The following DGKZ variants were observed in gnomAD, a reference collection of about 807,000 sequenced individuals.
The protein encoded by DGKZ is DAG kinase zeta.
In DGKZ, 45 loss-of-function variants were observed where a neutral mutation model predicts 142.5. That is an observed-to-expected ratio of 0.32 (90% confidence interval 0.25 to 0.40). The LOEUF (loss-of-function observed/expected upper bound fraction) is 0.40. Among genes scored for constraint, DGKZ ranks in the 10% least tolerant of loss-of-function variants. The probability of loss-of-function intolerance (pLI) is 1.00; values close to 1 mark genes in which losing one functional copy is unlikely to be tolerated. For missense variants in DGKZ, 755 were observed against 1,306.5 expected (o/e 0.58, Z 6.51); for synonymous variants, 442 against 527.0 (o/e 0.84, Z 2.21).
chr11:46,362,130 G>A (rs1022213826), intron 1 of DGKZ, among the ~76,000 whole-genome samples: 1 of 152,174 alleles, frequency 6.6e-6, no homozygotes, highest in African/African-American at 2.4e-5. Flanking sequence ...GAGCAGAGCC[G>A]AGGGGGTTCT....
chr11:46,364,392 C>T (rs1680945364), intron 1 of DGKZ: 1 of 1,289,100 alleles, frequency 7.8e-7, no homozygotes, highest in Non-Finnish European at 1.0e-6. Context: ...AGCCGTGACA[C>T]TGGTGATTTT....
At chr11:46,364,986 C>G in intron 1 of DGKZ, 1 of 985,470 alleles carries the variant, frequency 1.0e-6, no homozygotes, top group South Asian at 4.7e-5. Context: ...GCCTCAGGTA[C>G]CTGGAGGCAT....
chr11:46,371,349 A>G (rs1943920781), exon 7 of DGKZ: 1 of 1,613,670 alleles, frequency 6.2e-7, no homozygotes, highest in Non-Finnish European at 8.5e-7. Flanking sequence ...CAGCAAGGAG[A>G]TTGTGGCCAT....
intron 1 of DGKZ, among the ~76,000 whole-genome samples, chr11:46,339,291 A>G (rs1940164403): frequency 6.6e-6 from 1 of 152,250 alleles, no homozygotes; most frequent in African/African-American, 2.4e-5. Flanking sequence ...TAGCAACAGG[A>G]TAAAGCAAGG....
At chr11:46,333,558 C>T (rs117762930) in intron 1 of DGKZ, 25 of 1,394,318 alleles carry the variant, frequency 1.8e-5, no homozygotes, top group East Asian at 2.7e-5. Context: ...ATTGCACAAA[C>T]GTTTATTGTG....
intron 1 of DGKZ, among the ~76,000 whole-genome samples, chr11:46,352,279 C>T (rs566723000): frequency 3.2e-4 from 48 of 152,352 alleles, no homozygotes; most frequent in African/African-American, 9.1e-4. Context: ...GGAGGCTGCC[C>T]TGCAGTGCCT....
rs1231400008 is a variant in DGKZ at position 46,367,874 on chromosome 11, G to T, written c.366+127G>T. 6.6e-7 allele frequency: 1 copy of T among 1,510,956 alleles called. No homozygotes were observed. 93.6% of individuals were successfully genotyped at this position (1,510,956 alleles called of 1,614,324 possible). A position where few individuals can be genotyped will look rare whatever the true frequency, so the allele number is the denominator to read the frequency against. On this transcript the variant is annotated intron_variant, in intron 3 of 30. Transcript: ENST00000527911. This position sits in a 1 kb window ranked among gnomAD's most constrained non-coding sequence, Gnocchi z 4.1. ...GGGCCGCCCCAGGATGGTGAGGGGT[G>T]CAGGGGCTTTGTCCGGATGCCAGGA... is the stretch of plus-strand genomic sequence containing the variant.
At chr11:46,373,285 GTT>G (rs961769830) in intron 14 of DGKZ, among the ~76,000 whole-genome samples, 184 bp downstream of exon 14, 2 of 115,368 alleles carry the variant, frequency 1.7e-5, no homozygotes, top group Non-Finnish European at 3.6e-5. Context: ...TTTTTTTTTT[GTT>G]TTTTTTTTTT....
exon 19 of DGKZ, chr11:46,374,973 G>A (rs940894911): frequency 6.2e-7 from 1 of 1,612,576 alleles, no homozygotes; most frequent in Non-Finnish European, 8.5e-7. Context: ...ACCCTGGGGA[G>A]CACCACGACT....
At chr11:46,365,340 C>T (rs567966842) in intron 1 of DGKZ, 219 of 985,316 alleles carry the variant, frequency 2.2e-4, no homozygotes, top group Non-Finnish European at 2.6e-4. Context: ...CAGCTTCACC[C>T]TGGGGTATCC....
In DGKZ at chr11:46,372,649, G is replaced by A. The variant is rs1225261814; in HGVS notation, c.1043G>A (p.Arg348Gln). ...ATGTACCGCAAAGTGCACAACCTGC[G>A]GATCCTGGCGTGCGGGGGCGACGGC... The change falls in exon 12 of 31, where the codon CGG becomes CAG. Residue 348 changes from arginine (R) to glutamine (Q), a missense_variant. This residue lies in a region of DGKZ where 191 missense variants were observed against 472.1 expected (regional missense o/e 0.40). Coordinates refer to ENST00000527911, the Ensembl canonical transcript of DGKZ. The surrounding 1 kb of genome is among the most constrained non-coding windows in gnomAD (Gnocchi z 5.9). 8 of 1,613,468 alleles carry A rather than the reference G, an allele frequency of 5.0e-6. No homozygotes were observed. The highest frequency in any genetic ancestry group is 2.7e-5 in the African/African-American group (2 of 74,910).
At chr11:46,375,828 C>T (rs200163016) in intron 20 of DGKZ, 23 bp from the exon 21 acceptor site, 44 of 1,549,772 alleles carry the variant, frequency 2.8e-5, no homozygotes, top group Non-Finnish European at 3.6e-5. Flanking sequence ...GCTGAGCCCC[C>T]GCTTGCCGGC....
At chr11:46,379,902 G>A (rs1481755022) in exon 31 of DGKZ, 2 of 1,609,180 alleles carry the variant, frequency 1.2e-6, no homozygotes, top group East Asian at 2.2e-5. Flanking sequence ...AGAACCGGCA[G>A]CACTACCAGA....
chr11:46,375,489 C>G, exon 20 of DGKZ: 1 of 1,588,840 alleles, frequency 6.3e-7, no homozygotes, highest in South Asian at 1.1e-5. Flanking sequence ...CGAGGTGGTG[C>G]TCACCACATC....
At chr11:46,366,769 C>A (rs757517283) in intron 1 of DGKZ, 43 of 1,549,206 alleles carry the variant, frequency 2.8e-5, no homozygotes, top group Admixed American at 5.8e-5. Flanking sequence ...CCGCGGATGC[C>A]GTATATGACC....
At chr11:46,339,280 A>G (rs1203859651) in intron 1 of DGKZ, among the ~76,000 whole-genome samples, 1 of 152,268 alleles carries the variant, frequency 6.6e-6, no homozygotes, top group Non-Finnish European at 1.5e-5. Context: ...TGTAATTTAA[A>G]TAGCAACAGG....
Position 46,338,222 on chromosome 11 carries a change from C to T in DGKZ, c.212+4735C>T, listed in dbSNP as rs573584584. 5.9e-5 allele frequency among the ~76,000 whole-genome samples: 9 copies of T among 152,226 alleles called. No individual in the cohort carries two copies. In the South Asian group the frequency reaches 8.3e-4, roughly 14 times the overall value. On this transcript the variant is annotated intron_variant, in intron 1 of 30. Transcript: ENST00000343674. Reference sequence around the variant, plus strand: ...AAACTTAAAAAGCATTCTTGCCGGGCGTGGTGGCTCACGCCTGTAATCTCC... The same window carrying T: ...AAACTTAAAAAGCATTCTTGCCGGGTGTGGTGGCTCACGCCTGTAATCTCC...
chr11:46,364,290 A>G (rs1271507946), intron 1 of DGKZ: 1 of 1,083,810 alleles, frequency 9.2e-7, no homozygotes, highest in Non-Finnish European at 1.2e-6. Context: ...GTGATGCAGT[A>G]CCTATTCCTT....
exon 8 of DGKZ, chr11:46,371,592 C>T (rs559413622): frequency 1.1e-5 from 17 of 1,610,386 alleles, no homozygotes; most frequent in East Asian, 2.2e-5. Context: ...CCTCCGCGCC[C>T]GGAGGCCCCA....
Sources: gnomAD v4.1 joint callset for allele counts (sites outside exome capture counted in the v4.1 genomes callset) on GRCh38, gnomAD v4.1.1 for gene constraint, gnomAD v4.1.1 regional missense constraint, Gnocchi (gnomAD v3.1) non-coding constraint, MANE v1.5 for transcripts, NCBI Gene and HGNC (gene_info 2026-07-23, HGNC 2026-07-21) for gene names.